Variants in CEP63 observed in about 807,000 individuals in gnomAD.
CEP63 encodes the protein centrosomal protein of 63 kDa.
A neutral mutation model predicts 89.1 loss-of-function variants in CEP63; 84 were observed. The observed-to-expected ratio is 0.94, with a 90% CI of 0.79 to 1.13. The LOEUF is 1.13. Ranked by LOEUF, CEP63 falls within the 50% of genes most tolerant of loss-of-function variation. CEP63 has a pLI of 0.00. For synonymous variants in CEP63, 267 were observed against 272.5 expected (o/e 0.98, Z 0.20); for missense variants, 838 against 813.3 (o/e 1.03, Z -0.37).
chr3:134,742,951 A>C, the CEP63 span, among the ~76,000 whole-genome samples: 4 of 152,372 alleles, frequency 2.6e-5, no homozygotes, highest in East Asian at 5.8e-4. Flanking sequence ...GGACTAAGAC[A>C]CTGAGCTAAG....
the CEP63 span, chr3:134,647,437 T>A: frequency 5.6e-6 from 9 of 1,607,446 alleles, no homozygotes; most frequent in Middle Eastern, 1.6e-4. Context: ...GAATTTACCG[T>A]GAAAGTCATT....
the CEP63 span, among the ~76,000 whole-genome samples, chr3:134,728,902 G>GA: frequency 6.6e-6 from 1 of 151,830 alleles, no homozygotes; most frequent in Non-Finnish European, 1.5e-5. Context: ...TTTATAGCTA[G>GA]AAAAAAGACT....
chr3:134,665,696 C>G, the CEP63 span, among the ~76,000 whole-genome samples: 2,146 of 88,108 alleles, frequency 0.024, 26 homozygotes, highest in Admixed American at 0.033. Flanking sequence ...CACACACACA[C>G]ACACACAGAG....
chr3:134,527,602 GC>G (rs1948934078), intron 3 of CEP63, among the ~76,000 whole-genome samples: 1 of 152,224 alleles, frequency 6.6e-6, no homozygotes, highest in Admixed American at 6.5e-5. Flanking sequence ...TGCCAGCAAA[GC>G]CATGTGGGGA....
chr3:134,752,986 G>A, the CEP63 span, among the ~76,000 whole-genome samples: 1 of 152,184 alleles, frequency 6.6e-6, no homozygotes, highest in South Asian at 2.1e-4. Context: ...CAGAAACACA[G>A]CTGCTGAGAA....
intron 3 of CEP63, among the ~76,000 whole-genome samples, chr3:134,512,556 C>T (rs1439961997): frequency 6.6e-6 from 1 of 152,172 alleles, no homozygotes; most frequent in African/African-American, 2.4e-5. Flanking sequence ...CTACAAGGCT[C>T]ATAAGAAAAA....
chr3:134,558,428 C>A, intron 13 of CEP63, 81 bp downstream of exon 13: 1 of 1,013,352 alleles, frequency 9.9e-7, no homozygotes, highest in Non-Finnish European at 1.5e-6. Context: ...TTTTGACTTA[C>A]AGAAATTAAA....
chr3:134,711,533 C>T, the CEP63 span, among the ~76,000 whole-genome samples: 9 of 152,158 alleles, frequency 5.9e-5, no homozygotes, highest in East Asian at 1.7e-3. Flanking sequence ...TGTTTGATGA[C>T]TCATGACCTC....
At chr3:134,584,387 C>A (rs4527421) in intron 10 of CEP63, among the ~76,000 whole-genome samples, 1 of 152,198 alleles carries the variant, frequency 6.6e-6, no homozygotes, top group Non-Finnish European at 1.5e-5. Flanking sequence ...TTAGCATGAA[C>A]TGGTGTTGAA....
the CEP63 span, among the ~76,000 whole-genome samples, chr3:134,650,642 G>C: frequency 6.6e-6 from 1 of 152,116 alleles, no homozygotes; most frequent in African/African-American, 2.4e-5. Context: ...GCGTTGCCAC[G>C]GGACTGCGCG....
At chr3:134,569,955 T>C (rs6439490), downstream of CEP63, among the ~76,000 whole-genome samples, 151,829 of 152,334 alleles carry the variant, frequency 1, 75,668 homozygotes, top group Middle Eastern at 1. Context: ...TGGAATCTGC[T>C]AAGGTTTGGG....
intron 2 of CEP63, among the ~76,000 whole-genome samples, chr3:134,499,754 G>A (rs1941378750): frequency 6.6e-6 from 1 of 150,742 alleles, no homozygotes; most frequent in Non-Finnish European, 1.5e-5. Flanking sequence ...TAGTTTTTCA[G>A]CCTTTGCCCA....
chr3:134,732,455 A>G, the CEP63 span, among the ~76,000 whole-genome samples: 1 of 152,200 alleles, frequency 6.6e-6, no homozygotes. Flanking sequence ...AAATGTAATA[A>G]GAGTTGATTA....
At chr3:134,533,512 A>G (rs1241669125) in intron 5 of CEP63, among the ~76,000 whole-genome samples, 1 of 152,244 alleles carries the variant, frequency 6.6e-6, no homozygotes, top group Non-Finnish European at 1.5e-5. Flanking sequence ...GTTTTTATTA[A>G]GACTGAATAA....
chr3:134,754,407 A>G, the CEP63 span, among the ~76,000 whole-genome samples: 1 of 152,186 alleles, frequency 6.6e-6, no homozygotes, highest in Non-Finnish European at 1.5e-5. Context: ...TCTTGTCAAC[A>G]CAATGGCTGC....
chr3:134,673,591 A>C, the CEP63 span, among the ~76,000 whole-genome samples: 1 of 152,186 alleles, frequency 6.6e-6, no homozygotes, highest in Non-Finnish European at 1.5e-5. Context: ...CAGGACCTCC[A>C]GTAGCAGCTG....
intron 10 of CEP63, among the ~76,000 whole-genome samples, chr3:134,584,956 G>GTTTTTTTTTTTGTTTTTTTTTTTTTTT (rs1553799204): frequency 2.8e-5 from 1 of 36,038 alleles, no homozygotes; most frequent in African/African-American, 8.5e-5. Flanking sequence ...ATTTTCTAGG[G>GTTTTTTTTTTTGTTTTTTTTTTTTTTT]TTTTTTTTTT....
At chr3:134,643,462 A>G in the CEP63 span, 11 of 1,220,728 alleles carry the variant, frequency 9.0e-6, no homozygotes, top group South Asian at 1.3e-5. Flanking sequence ...TGTTTGCGGG[A>G]AAGGTGGGCT....
chr3:134,604,367 T>C, the CEP63 span: 1 of 1,614,008 alleles, frequency 6.2e-7, no homozygotes, highest in Non-Finnish European at 8.5e-7. Flanking sequence ...TCCAACTTCA[T>C]CCCATTCTTC....
Sources: gnomAD v4.1 joint callset for allele counts (sites outside exome capture counted in the v4.1 genomes callset) on GRCh38, gnomAD v4.1.1 for gene constraint, MANE v1.5 for transcripts, NCBI Gene and HGNC (gene_info 2026-07-23, HGNC 2026-07-21) for gene names.